The following WDPCP variants were observed in gnomAD, a reference collection of about 807,000 sequenced individuals.
WDPCP encodes the protein WD repeat containing planar cell polarity effector.
A neutral mutation model predicts 93.1 loss-of-function variants in WDPCP; 71 were observed. The ratio of observed to expected loss-of-function variants is 0.76; its 90% confidence interval spans 0.63 to 0.93. The LOEUF (loss-of-function observed/expected upper bound fraction) is 0.93, where lower values mean the gene tolerates loss of function less well. WDPCP is among the 40% of genes least tolerant of loss of function. The pLI, the probability that WDPCP is intolerant of heterozygous loss-of-function variation, is 0.00. For missense variants in WDPCP, 844 were observed against 887.4 expected (o/e 0.95, Z 0.62); for synonymous variants, 315 against 315.0 (o/e 1.00, Z 0.00).
chr2:63,550,750 T>G (rs1412013040), intron 1 of WDPCP, among the ~76,000 whole-genome samples: 1 of 145,382 alleles, frequency 6.9e-6, no homozygotes, highest in Non-Finnish European at 1.5e-5. Flanking sequence ...TATGTATGTG[T>G]ATATATATAC....
At chr2:63,612,829 T>A (rs1261264916) in intron 3 of WDPCP, among the ~76,000 whole-genome samples, 1 of 152,164 alleles carries the variant, frequency 6.6e-6, no homozygotes, top group Non-Finnish European at 1.5e-5. Flanking sequence ...GTCAGTTAGA[T>A]TTCCAGGGCC....
chr2:63,627,706 G>A (rs889123193), intron 3 of WDPCP, among the ~76,000 whole-genome samples: 3 of 152,190 alleles, frequency 2.0e-5, no homozygotes, highest in Non-Finnish European at 4.4e-5. Context: ...TGCCAGACTT[G>A]AAGGGAAGAA....
intron 2 of WDPCP, among the ~76,000 whole-genome samples, chr2:63,706,956 C>G (rs1248914990): frequency 2.0e-5 from 3 of 152,152 alleles, no homozygotes; most frequent in Non-Finnish European, 4.4e-5. Context: ...TATTGGCCCC[C>G]CACTCTCTTC....
At chr2:63,551,784 C>T (rs1285766710) in intron 1 of WDPCP, among the ~76,000 whole-genome samples, 1 of 151,738 alleles carries the variant, frequency 6.6e-6, no homozygotes, top group South Asian at 2.1e-4. Flanking sequence ...ACCAAAGACA[C>T]ATATGTGAAT....
At chr2:63,611,248 A>G (rs568878520) in intron 3 of WDPCP, among the ~76,000 whole-genome samples, 1 of 152,356 alleles carries the variant, frequency 6.6e-6, no homozygotes, top group African/African-American at 2.4e-5. Context: ...TTTTACTACT[A>G]TAAAGATGCT....
chr2:63,167,737 G>A (rs1337341111), intron 15 of WDPCP, among the ~76,000 whole-genome samples: 1 of 152,116 alleles, frequency 6.6e-6, no homozygotes, highest in East Asian at 1.9e-4. Context: ...AATAGAATTT[G>A]ATGAATATTC....
At chr2:63,429,742 G>C (rs1293000777) in intron 9 of WDPCP, among the ~76,000 whole-genome samples, 1 of 152,166 alleles carries the variant, frequency 6.6e-6, no homozygotes, top group Admixed American at 6.5e-5. Context: ...TGGTGGGTAT[G>C]TAAATTAGTC....
chr2:63,190,159 G>A (rs552511654), intron 14 of WDPCP, among the ~76,000 whole-genome samples: 1 of 152,224 alleles, frequency 6.6e-6, no homozygotes, highest in South Asian at 2.1e-4. Context: ...CGGGTGCTGT[G>A]GCTCACGCCC....
At chr2:63,733,874 T>TA (rs1003392132) in intron 2 of WDPCP, among the ~76,000 whole-genome samples, 17 of 152,018 alleles carry the variant, frequency 1.1e-4, no homozygotes, top group Admixed American at 4.6e-4. Flanking sequence ...TTCATCACCA[T>TA]AAAAAAAACC....
At chr2:63,165,768 A>G (rs1380847173) in intron 15 of WDPCP, among the ~76,000 whole-genome samples, 1 of 151,782 alleles carries the variant, frequency 6.6e-6, no homozygotes, top group Admixed American at 6.6e-5. Context: ...ATGATTAAAA[A>G]GAAAAAACCC....
chr2:63,684,307 T>C, intron 2 of WDPCP: 1 of 612,498 alleles, frequency 1.6e-6, no homozygotes, highest in Non-Finnish European at 3.1e-6. Flanking sequence ...GCTGCTGAAA[T>C]GGGCAAGTTC....
At chr2:63,772,547 T>C (rs190085427) in intron 2 of WDPCP, among the ~76,000 whole-genome samples, 1 of 152,164 alleles carries the variant, frequency 6.6e-6, no homozygotes, top group African/African-American at 2.4e-5. Context: ...AACAAAAGAT[T>C]AGCAAACTTA....
At chr2:63,157,496 A>G (rs1672341705) in intron 15 of WDPCP, among the ~76,000 whole-genome samples, 1 of 152,180 alleles carries the variant, frequency 6.6e-6, no homozygotes, top group South Asian at 2.1e-4. Context: ...TCACCAGTGA[A>G]ACCATCGGGA....
intron 13 of WDPCP, among the ~76,000 whole-genome samples, chr2:63,272,854 C>G (rs1402180365): frequency 6.6e-6 from 1 of 152,190 alleles, no homozygotes; most frequent in African/African-American, 2.4e-5. Context: ...TAGCTGAATA[C>G]TTCCCAAATC....
chr2:63,711,432 G>C (rs560761374), intron 2 of WDPCP: 1 of 152,300 alleles, frequency 6.6e-6, no homozygotes, highest in Admixed American at 6.5e-5. Flanking sequence ...AGTAGTTATA[G>C]ACTGGGAATC....
intron 2 of WDPCP, among the ~76,000 whole-genome samples, chr2:63,782,758 G>T (rs767892599): frequency 6.6e-6 from 1 of 151,560 alleles, no homozygotes; most frequent in African/African-American, 2.4e-5. Flanking sequence ...GTGTGTGTGT[G>T]TGTGTGTGTG....
chr2:63,731,063 G>A (rs537290128), intron 2 of WDPCP, among the ~76,000 whole-genome samples: 1 of 152,246 alleles, frequency 6.6e-6, no homozygotes, highest in African/African-American at 2.4e-5. Flanking sequence ...GAGGTCAGGA[G>A]ATCGAGACAA....
intron 10 of WDPCP, among the ~76,000 whole-genome samples, chr2:63,384,231 T>C (rs1488176068): frequency 1.3e-5 from 2 of 152,132 alleles, no homozygotes; most frequent in Non-Finnish European, 2.9e-5. Context: ...CAGCTTGTTC[T>C]TTGAGAAGAT....
intron 2 of WDPCP, among the ~76,000 whole-genome samples, chr2:63,652,375 A>G (rs921797275): frequency 3.3e-5 from 5 of 152,354 alleles, no homozygotes; most frequent in Admixed American, 1.3e-4. Context: ...TGAACTTATT[A>G]CTGAGAAACA....
Sources: allele counts gnomAD v4.1 joint callset (sites outside exome capture counted in the v4.1 genomes callset), GRCh38; gene constraint gnomAD v4.1.1; transcripts MANE v1.5; gene names NCBI Gene and HGNC (gene_info 2026-07-23, HGNC 2026-07-21).